Variants in AFG1L observed in about 807,000 individuals in gnomAD.
The protein encoded by AFG1L is AFG1 like ATPase.
A neutral mutation model predicts 62.2 loss-of-function variants in AFG1L; 53 were observed. The observed-to-expected ratio is 0.85, with a 90% CI of 0.68 to 1.07. The LOEUF (loss-of-function observed/expected upper bound fraction) is 1.07. AFG1L is among the 50% of genes least tolerant of loss of function. The pLI is 0.00. For synonymous variants in AFG1L, 228 were observed against 210.3 expected (o/e 1.08, Z -0.73); for missense variants, 555 against 590.5 (o/e 0.94, Z 0.62).
chr6:108,302,354 T>C (rs1280941560), intron 1 of AFG1L, among the ~76,000 whole-genome samples: 8 of 152,242 alleles, frequency 5.3e-5, no homozygotes, highest in African/African-American at 1.9e-4. Context: ...TGCTTTGTTA[T>C]ACTTGGCCTG....
intron 1 of AFG1L, among the ~76,000 whole-genome samples, chr6:108,321,831 C>T (rs1053537638): frequency 6.6e-6 from 1 of 152,128 alleles, no homozygotes; most frequent in African/African-American, 2.4e-5. Flanking sequence ...GCTTCTGTAA[C>T]AGAGACCCCA....
chr6:108,417,969 G>A (rs1396183673), intron 7 of AFG1L, among the ~76,000 whole-genome samples: 1 of 152,060 alleles, frequency 6.6e-6, no homozygotes, highest in East Asian at 1.9e-4. Context: ...GGGTAGCTGG[G>A]ACTACAGGTG....
rs1324063949 is a variant in AFG1L, at chr6:108,522,247, A to G, written c.1318-50A>G. 5.0e-6 allele frequency: 8 copies of G among 1,586,508 alleles called. No individual in the cohort carries two copies. In the East Asian group the frequency reaches 1.6e-4, roughly 31 times the overall value. On this transcript the variant is annotated intron_variant, in intron 12 of 12. Coordinates refer to ENST00000368977, the MANE Select transcript of AFG1L (RefSeq NM_145315.5). Reference sequence around the variant, plus strand: ...TTTTAAACCTATACTTAGGTTCTGTAAATTTTCATTTGTGATAGCTTTATT... The same window carrying G: ...TTTTAAACCTATACTTAGGTTCTGTGAATTTTCATTTGTGATAGCTTTATT...
At chr6:108,414,231 G>C (rs1473060001) in intron 7 of AFG1L, among the ~76,000 whole-genome samples, 1 of 152,142 alleles carries the variant, frequency 6.6e-6, no homozygotes, top group Non-Finnish European at 1.5e-5. Flanking sequence ...GGAAGAAGTT[G>C]AATCCTTGTA....
chr6:108,314,598 C>T (rs537640126), intron 1 of AFG1L, among the ~76,000 whole-genome samples: 1 of 152,090 alleles, frequency 6.6e-6, no homozygotes, highest in African/African-American at 2.4e-5. Context: ...GGGGTTTCAC[C>T]GTGTTGCCTA....
At chr6:108,364,897 A>G (rs1261313081) in intron 5 of AFG1L, among the ~76,000 whole-genome samples, 2 of 144,158 alleles carry the variant, frequency 1.4e-5, no homozygotes. Context: ...GTACATCTCT[A>G]TTTCATGGTT....
At chr6:108,515,174 C>G (rs950105310) in intron 11 of AFG1L, among the ~76,000 whole-genome samples, 1 of 152,190 alleles carries the variant, frequency 6.6e-6, no homozygotes, top group Non-Finnish European at 1.5e-5. Flanking sequence ...GAACTCTCCA[C>G]CCCAGATCAA....
chr6:108,476,506 T>A (rs1199799510), intron 8 of AFG1L, among the ~76,000 whole-genome samples: 2 of 152,236 alleles, frequency 1.3e-5, no homozygotes, highest in Non-Finnish European at 2.9e-5. Flanking sequence ...CAAAGGATAC[T>A]TTGCTGGATG....
At chr6:108,417,649 GA>G (rs1256390349) in intron 7 of AFG1L, among the ~76,000 whole-genome samples, 1 of 152,002 alleles carries the variant, frequency 6.6e-6, no homozygotes, top group Non-Finnish European at 1.5e-5. Context: ...TATTTAAATA[GA>G]AAAATTTAGG....
At chr6:108,457,371 C>G (rs368135624) in intron 8 of AFG1L, among the ~76,000 whole-genome samples, 3 of 151,934 alleles carry the variant, frequency 2.0e-5, no homozygotes, top group Non-Finnish European at 2.9e-5. Context: ...TAGGGCATAG[C>G]GTAAGCACCT....
At chr6:108,507,822 C>T (rs963395917) in intron 10 of AFG1L, among the ~76,000 whole-genome samples, 6 of 152,158 alleles carry the variant, frequency 3.9e-5, no homozygotes, top group East Asian at 1.9e-4. Flanking sequence ...TCCCCTCTCT[C>T]GCTTTCGGGG....
intron 3 of AFG1L, 117 bp downstream of exon 3, chr6:108,347,156 C>G: frequency 1.2e-6 from 1 of 864,586 alleles, no homozygotes; most frequent in Non-Finnish European, 1.9e-6. Flanking sequence ...TAGGATGAGG[C>G]AGGGTAAGGT....
At chr6:108,368,655 A>G (rs1220645296) in intron 6 of AFG1L, among the ~76,000 whole-genome samples, 1 of 152,220 alleles carries the variant, frequency 6.6e-6, no homozygotes, top group Non-Finnish European at 1.5e-5. Context: ...TTGATTTGAC[A>G]GTGGCATCAG....
intron 1 of AFG1L, among the ~76,000 whole-genome samples, chr6:108,311,931 C>T (rs780785156): frequency 2.0e-5 from 3 of 152,042 alleles, no homozygotes; most frequent in Admixed American, 1.3e-4. Flanking sequence ...GTGGTACGAT[C>T]TCTGCTCACT....
chr6:108,419,354 T>C (rs1426455603), intron 7 of AFG1L, among the ~76,000 whole-genome samples: 1 of 152,150 alleles, frequency 6.6e-6, no homozygotes, highest in Non-Finnish European at 1.5e-5. Context: ...TTAAATTTCT[T>C]CTTAAAATTA....
chr6:108,313,728 CG>C (rs1777493257), intron 1 of AFG1L, among the ~76,000 whole-genome samples: 1 of 151,942 alleles, frequency 6.6e-6, no homozygotes, highest in Non-Finnish European at 1.5e-5. Flanking sequence ...TTTGTAGAGA[CG>C]GGGTTTCACC....
intron 8 of AFG1L, among the ~76,000 whole-genome samples, chr6:108,454,746 A>G (rs1241990681): frequency 6.6e-6 from 1 of 152,154 alleles, no homozygotes; most frequent in Admixed American, 6.5e-5. Context: ...TCCGCCTCCC[A>G]GGTTCGAGCA....
intron 7 of AFG1L, among the ~76,000 whole-genome samples, chr6:108,443,568 C>T (rs1771634315): frequency 6.6e-6 from 1 of 152,038 alleles, no homozygotes; most frequent in South Asian, 2.1e-4. Context: ...ACGTTGGTTC[C>T]GAAGGTTTGA....
intron 10 of AFG1L, among the ~76,000 whole-genome samples, chr6:108,483,895 A>ACT (rs749470045): frequency 1.5e-4 from 23 of 152,176 alleles, no homozygotes; most frequent in Non-Finnish European, 1.9e-4. Context: ...TTAGACTTAT[A>ACT]AGTATACCAT....
Sources: allele counts gnomAD v4.1 joint callset (sites outside exome capture counted in the v4.1 genomes callset), GRCh38; gene constraint gnomAD v4.1.1; transcripts MANE v1.5; gene names NCBI Gene and HGNC (gene_info 2026-07-23, HGNC 2026-07-21).